The following GYS2 variants were observed in gnomAD, a reference collection of about 807,000 sequenced individuals.
The protein encoded by GYS2 is glycogen [starch] synthase, liver.
In GYS2, 80 loss-of-function variants were observed where a neutral mutation model predicts 85.6. The ratio of observed to expected loss-of-function variants is 0.93; its 90% CI spans 0.78 to 1.13. GYS2 has a LOEUF of 1.13. Ranked by LOEUF, GYS2 falls within the 50% of genes most tolerant of loss-of-function variation. The pLI is 0.00. For missense variants in GYS2, 881 were observed against 854.9 expected (o/e 1.03, Z -0.38); for synonymous variants, 328 against 300.7 (o/e 1.09, Z -0.94).
chr12:21,584,734 C>A (rs1004092708), intron 1 of GYS2, among the ~76,000 whole-genome samples: 11 of 152,200 alleles, frequency 7.2e-5, no homozygotes, highest in Non-Finnish European at 1.5e-4. Flanking sequence ...CTGGAATAGA[C>A]ACTTACTCTG....
intron 4 of GYS2, among the ~76,000 whole-genome samples, chr12:21,572,961 CCCTTATTAGTCCA>C (rs1304763774): frequency 6.6e-6 from 1 of 152,142 alleles, no homozygotes; most frequent in Admixed American, 6.5e-5. Context: ...CACTGGTTTG[CCCTTATTAGTCCA>C]CCATTACTAT....
At position 21,604,670 on chromosome 12, in the gene GYS2, C is replaced by T; in HGVS notation, c.-78G>A. 6.2e-7 allele frequency: 1 copy of T among 1,602,010 alleles called. No homozygotes were observed. On this transcript the variant is annotated 5_prime_UTR_variant, in exon 1 of 16. Coordinates refer to ENST00000261195, the MANE Select transcript of GYS2 (RefSeq NM_021957.4). The stretch of plus-strand genomic sequence containing the variant: ...ATCCCAGGAGAAGAGAACTTACAGG[C>T]ACAAAAGTTAGAGTTGGTAGAGTTA...
intron 11 of GYS2, among the ~76,000 whole-genome samples, chr12:21,556,446 T>C (rs1944180432): frequency 6.6e-6 from 1 of 152,194 alleles, no homozygotes; most frequent in African/African-American, 2.4e-5. Flanking sequence ...GCTGGAATTA[T>C]AGGTGTGAAG....
intron 4 of GYS2, among the ~76,000 whole-genome samples, chr12:21,573,663 C>T (rs990265294): frequency 4.6e-5 from 7 of 152,198 alleles, no homozygotes; most frequent in African/African-American, 1.7e-4. Flanking sequence ...ACAGGGAAAA[C>T]TGAACCTATC....
At chr12:21,590,588 C>T (rs917084272) in intron 1 of GYS2, among the ~76,000 whole-genome samples, 1 of 152,178 alleles carries the variant, frequency 6.6e-6, no homozygotes, top group Non-Finnish European at 1.5e-5. Context: ...ACACCACACC[C>T]ACTGTCCAGA....
At chr12:21,584,267 G>A (rs1944548084) in intron 1 of GYS2, among the ~76,000 whole-genome samples, 3 of 152,300 alleles carry the variant, frequency 2.0e-5, no homozygotes, top group African/African-American at 7.2e-5. Context: ...CAGGGACTTG[G>A]AAAAAGCATG....
rs538419391 is a variant in GYS2, at chr12:21,585,756, T to C, written c.122-5233A>G. 1.8e-4 allele frequency among the ~76,000 whole-genome samples: 28 copies of C among 152,362 alleles called. 1 individual carries two copies. The South Asian group carries it at 5.4e-3, about 29-fold the overall frequency. On this transcript the variant is annotated intron_variant, in intron 1 of 15. Coordinates refer to ENST00000261195, the MANE Select transcript of GYS2 (RefSeq NM_021957.4). ...ACACCTTCGTGTCTGTATACACTTG[T>C]ACTAAGAAAATATATACATTTTACT...
At chr12:21,582,093 C>T (rs1401309334) in intron 1 of GYS2, among the ~76,000 whole-genome samples, 1 of 152,032 alleles carries the variant, frequency 6.6e-6, no homozygotes, top group East Asian at 1.9e-4. Flanking sequence ...AAATTGCAAA[C>T]TATGAATGCA....
intron 1 of GYS2, among the ~76,000 whole-genome samples, chr12:21,591,983 T>C (rs936960814): frequency 6.6e-6 from 1 of 151,860 alleles, no homozygotes; most frequent in African/African-American, 2.4e-5. Context: ...TTACAAGAAA[T>C]ATTTAAGGGA....
chr12:21,561,298 G>A (rs1944250160), intron 7 of GYS2, among the ~76,000 whole-genome samples: 2 of 152,202 alleles, frequency 1.3e-5, no homozygotes, highest in Admixed American at 6.5e-5. Context: ...TTAAGAAGCT[G>A]TAAGAATGAA....
At chr12:21,567,315 C>T (rs1944332405) in intron 5 of GYS2, among the ~76,000 whole-genome samples, 1 of 151,876 alleles carries the variant, frequency 6.6e-6, no homozygotes, top group South Asian at 2.1e-4. Context: ...TAGGCAAAAA[C>T]AAAGAAAGTA....
At chr12:21,587,757 A>C (rs1944590891) in intron 1 of GYS2, among the ~76,000 whole-genome samples, 1 of 152,172 alleles carries the variant, frequency 6.6e-6, no homozygotes, top group African/African-American at 2.4e-5. Context: ...ATCTGATTGA[A>C]AAGGCAAAAA....
chr12:21,590,249 C>T lies in GYS2; in HGVS notation c.122-9726G>A, dbSNP rs181439747. 1.8e-4 allele frequency among the ~76,000 whole-genome samples: 28 copies of T among 152,296 alleles called. No individual in the cohort carries two copies. In the East Asian group the frequency reaches 5.4e-3, roughly 29 times the overall value. On this transcript the variant is annotated intron_variant, in intron 1 of 15. Coordinates refer to ENST00000261195, the MANE Select transcript of GYS2 (RefSeq NM_021957.4). ...GGGCCTGAGGATCACTCCACTCCAG[C>T]CTATGATAGCCGGTGTCCACACACA...
At chr12:21,584,931 C>G (rs1486915162) in intron 1 of GYS2, among the ~76,000 whole-genome samples, 1 of 152,154 alleles carries the variant, frequency 6.6e-6, no homozygotes, top group Non-Finnish European at 1.5e-5. Context: ...TACCATGATC[C>G]CTATCATCCT....
chr12:21,564,247 A>G (rs1306060026), intron 5 of GYS2, among the ~76,000 whole-genome samples: 1 of 152,200 alleles, frequency 6.6e-6, no homozygotes, highest in Non-Finnish European at 1.5e-5. Context: ...CCTGGCCAAC[A>G]TGGTGAAACC....
intron 1 of GYS2, among the ~76,000 whole-genome samples, chr12:21,603,857 T>TTA (rs1405242539): frequency 2.6e-5 from 4 of 152,144 alleles, no homozygotes; most frequent in Non-Finnish European, 5.9e-5. Context: ...ACAGATGAGG[T>TTA]TATACCTCAC....
intron 4 of GYS2, 30 bp downstream of exon 4, chr12:21,574,110 GGTGA>G (rs1944416723): frequency 9.4e-6 from 14 of 1,495,980 alleles, no homozygotes; most frequent in Non-Finnish European, 1.2e-5. Flanking sequence ...CTGAAAGAAG[GGTGA>G]GTAAGAGGGA....
chr12:21,578,516 A>G (rs1347935119), intron 2 of GYS2, among the ~76,000 whole-genome samples: 1 of 152,144 alleles, frequency 6.6e-6, no homozygotes, highest in African/African-American at 2.4e-5. Context: ...TCATGACTAC[A>G]TCTCAAACAT....
intron 11 of GYS2, among the ~76,000 whole-genome samples, chr12:21,551,298 C>T (rs1297203188): frequency 6.6e-6 from 1 of 151,556 alleles, no homozygotes; most frequent in African/African-American, 2.4e-5. Context: ...ATGCATTCTT[C>T]AGAAGAGATT....
Sources: allele counts gnomAD v4.1 joint callset (sites outside exome capture counted in the v4.1 genomes callset), GRCh38; gene constraint gnomAD v4.1.1; transcripts MANE v1.5; gene names NCBI Gene and HGNC (gene_info 2026-07-23, HGNC 2026-07-21).